The following LEPR variants were observed in gnomAD, a reference collection of about 807,000 sequenced individuals.
LEPR encodes leptin receptor, also known as OB receptor.
A neutral mutation model predicts 114.7 loss-of-function variants in LEPR; 56 were observed. The ratio of observed to expected loss-of-function variants is 0.49; its 90% CI spans 0.39 to 0.61. The LOEUF (loss-of-function observed/expected upper bound fraction) is 0.61, where lower values mean the gene tolerates loss of function less well. LEPR is among the 20% of genes least tolerant of loss of function. The pLI is 0.00. For missense variants in LEPR, 1,202 were observed against 1,352.9 expected (o/e 0.89, Z 1.75); for synonymous variants, 443 against 461.4 (o/e 0.96, Z 0.51).
At position 65,610,262 on chromosome 1, in the gene LEPR, T is replaced by G. The variant is rs777166726; in HGVS notation, c.1961T>G (p.Met654Arg). 1 of 1,613,602 alleles carries G rather than the reference T, an allele frequency of 6.2e-7. No homozygotes were observed. The highest frequency in any genetic ancestry group is 8.5e-7 in the Non-Finnish European group (1 of 1,179,840). ...TGGAGAATAATTAATGGAGATACTA[T>G]GAAAAAGGAGAAAAATGTCACTTTA... ...EFWRIINGDT[M>R]KKEKNVTLLW... Residue 654 changes from methionine to arginine, a missense_variant, in exon 14 of 20, where the codon ATG becomes AGG. By Grantham distance (91) the Met-to-Arg change is moderately conservative. Coordinates refer to ENST00000349533, the MANE Select transcript of LEPR (RefSeq NM_002303.6).
At chr1:65,486,668 A>G (rs897375465) in intron 2 of LEPR, among the ~76,000 whole-genome samples, 2 of 152,208 alleles carry the variant, frequency 1.3e-5, no homozygotes, top group East Asian at 1.9e-4. Context: ...ATTAAGACCT[A>G]TCTCTGGGGA....
At chr1:65,452,199 A>G (rs191488638) in intron 2 of LEPR, among the ~76,000 whole-genome samples, 15 of 152,320 alleles carry the variant, frequency 9.8e-5, no homozygotes, top group African/African-American at 3.6e-4. Context: ...GGGGTTTTCT[A>G]GATATACAAT....
chr1:65,546,916 G>T (rs1485597603), intron 2 of LEPR, among the ~76,000 whole-genome samples: 4 of 152,098 alleles, frequency 2.6e-5, no homozygotes, highest in Non-Finnish European at 5.9e-5. Flanking sequence ...TCCAGTTTTT[G>T]CCCATTCAGT....
At chr1:65,421,549 C>T (rs1336969558) in intron 1 of LEPR, 9 of 1,424,876 alleles carry the variant, frequency 6.3e-6, no homozygotes, top group Non-Finnish European at 8.6e-6. Context: ...AATTTGCACC[C>T]AAAGATATCC....
chr1:65,557,253 T>A (rs1015414831), intron 2 of LEPR, among the ~76,000 whole-genome samples: 3 of 152,200 alleles, frequency 2.0e-5, no homozygotes, highest in Admixed American at 1.3e-4. Context: ...TCAGAATTTA[T>A]AATTGAACAA....
At chr1:65,635,108 A>G in intron 19 of LEPR, 1 of 915,372 alleles carries the variant, frequency 1.1e-6, no homozygotes, top group African/African-American at 1.8e-5. Context: ...TTGTATATGG[A>G]ATATGCTTGC....
chr1:65,466,814 A>G (rs1184491580), intron 2 of LEPR, among the ~76,000 whole-genome samples: 2 of 152,178 alleles, frequency 1.3e-5, no homozygotes, highest in Admixed American at 1.3e-4. Flanking sequence ...CACTTGATTG[A>G]ATTGGCTATT....
intron 2 of LEPR, among the ~76,000 whole-genome samples, chr1:65,485,543 G>T (rs1647443179): frequency 6.6e-6 from 1 of 152,068 alleles, no homozygotes. Flanking sequence ...TAGATAGGAG[G>T]TGGGGTTCAG....
chr1:65,602,305 TA>T, intron 10 of LEPR, among the ~76,000 whole-genome samples: 1 of 152,116 alleles, frequency 6.6e-6, no homozygotes, highest in South Asian at 2.1e-4. Context: ...TGTGAAAGAT[TA>T]TAAAAGTTTC....
chr1:65,436,214 C>A (rs1646560803), intron 2 of LEPR, among the ~76,000 whole-genome samples: 1 of 152,084 alleles, frequency 6.6e-6, no homozygotes, highest in African/African-American at 2.4e-5. Context: ...GGAATCCAGG[C>A]CTTAATTTCT....
In LEPR at chr1:65,613,471, G is replaced by GA. The variant is rs1557696310; in HGVS notation, c.1996-2537_1996-2536insA. 3.2e-4 allele frequency among the ~76,000 whole-genome samples: 46 copies of GA among 142,564 alleles called. 2 individuals are homozygous for GA. The highest frequency in any genetic ancestry group is 2.8e-3 in the East Asian group (6 of 2,174). 93.5% of individuals were successfully genotyped at this position (142,564 alleles called of 152,430 possible). On this transcript the variant is annotated intron_variant, in intron 14 of 19. Transcript: ENST00000349533. ...CAAAGAAATCTTTAAGATTCAACAG[G>GA]GGCCGGGCGCGGTGGCTCACGCCTG...
intron 2 of LEPR, among the ~76,000 whole-genome samples, chr1:65,558,497 T>G (rs945049178): frequency 7.7e-6 from 1 of 129,568 alleles, no homozygotes; most frequent in African/African-American, 3.1e-5. Flanking sequence ...ACATGTTTCT[T>G]AATGTTTTTT....
At chr1:65,442,512 C>G (rs372612415) in intron 2 of LEPR, among the ~76,000 whole-genome samples, 6 of 152,286 alleles carry the variant, frequency 3.9e-5, no homozygotes, top group African/African-American at 1.2e-4. Flanking sequence ...CACATGTTCT[C>G]AGGATCTCTT....
chr1:65,491,081 T>C (rs761261572), intron 2 of LEPR, among the ~76,000 whole-genome samples: 3 of 152,046 alleles, frequency 2.0e-5, no homozygotes, highest in Non-Finnish European at 4.4e-5. Context: ...AGACTCCAAC[T>C]CCAAAATAAA....
At chr1:65,529,032 C>G (rs929482074) in intron 2 of LEPR, among the ~76,000 whole-genome samples, 22 of 150,264 alleles carry the variant, frequency 1.5e-4, no homozygotes, top group Non-Finnish European at 1.5e-5. Context: ...CCAGGATGGT[C>G]TCAATCTCCT....
rs1461904700 is a variant in LEPR at position 65,636,013 on chromosome 1, C to T, written c.2674-178C>T. On this transcript the variant is annotated intron_variant, in intron 19 of 19. Coordinates refer to ENST00000349533, the MANE Select transcript of LEPR (RefSeq NM_002303.6). ...TTGTCCCACTTTCAAATGCTATCATCTTAAACGGGCTCTTCCTTATGCTTT... is the reference window on the plus strand; with the variant it reads ...TTGTCCCACTTTCAAATGCTATCATTTTAAACGGGCTCTTCCTTATGCTTT... 2.0e-5 allele frequency among the ~76,000 whole-genome samples: 3 copies of T among 152,166 alleles called. No homozygotes were observed. In the East Asian group the frequency reaches 5.8e-4, roughly 29 times the overall value.
chr1:65,548,682 T>C (rs1208995391), intron 2 of LEPR, among the ~76,000 whole-genome samples: 1 of 152,170 alleles, frequency 6.6e-6, no homozygotes, highest in Non-Finnish European at 1.5e-5. Flanking sequence ...TCCGTCCTTT[T>C]ATTTTGAGCC....
intron 19 of LEPR, among the ~76,000 whole-genome samples, chr1:65,627,617 A>G (rs879798598): frequency 2.0e-5 from 3 of 152,192 alleles, no homozygotes; most frequent in Admixed American, 6.5e-5. Context: ...TATGTACTCA[A>G]TAGAAATGAA....
intron 2 of LEPR, among the ~76,000 whole-genome samples, chr1:65,496,942 A>C (rs559798378): frequency 3.3e-5 from 5 of 152,128 alleles, no homozygotes; most frequent in African/African-American, 1.2e-4. Flanking sequence ...CAGGTGATTC[A>C]TGTGCACATC....
Sources: gnomAD v4.1 joint callset for allele counts (sites outside exome capture counted in the v4.1 genomes callset) on GRCh38, gnomAD v4.1.1 for gene constraint, MANE v1.5 for transcripts, NCBI Gene and HGNC (gene_info 2026-07-23, HGNC 2026-07-21) for gene names.